The following PCDH15 variants were observed in gnomAD, a reference collection of about 807,000 sequenced individuals.
PCDH15 encodes protocadherin related 15.
A neutral mutation model predicts 178.5 loss-of-function variants in PCDH15; 129 were observed. That is an observed-to-expected ratio of 0.72 (90% confidence interval 0.63 to 0.84). The LOEUF (loss-of-function observed/expected upper bound fraction) is 0.84. Among genes scored for constraint, PCDH15 ranks in the 40% least tolerant of loss-of-function variants. The probability of loss-of-function intolerance (pLI) is 0.00; values close to 1 mark genes in which losing one functional copy is unlikely to be tolerated. For synonymous variants in PCDH15, 800 were observed against 732.0 expected (o/e 1.09, Z -1.50); for missense variants, 2,230 against 2,099.9 (o/e 1.06, Z -1.21).
intron 32 of PCDH15, among the ~76,000 whole-genome samples, chr10:53,826,385 C>T (rs981703977): frequency 6.6e-6 from 1 of 151,790 alleles, no homozygotes; most frequent in African/African-American, 2.4e-5. Flanking sequence ...TTGTTTAAAA[C>T]CAGCTTTTCC....
At chr10:55,623,207 C>T (rs1293560740) in intron 2 of PCDH15, among the ~76,000 whole-genome samples, 3 of 152,248 alleles carry the variant, frequency 2.0e-5, no homozygotes, top group Admixed American at 1.3e-4. Context: ...TTTGAATAGG[C>T]TCTGGCACTC....
chr10:55,230,274 G>C (rs1025614662), intron 1 of PCDH15, among the ~76,000 whole-genome samples: 11 of 151,806 alleles, frequency 7.2e-5, no homozygotes, highest in African/African-American at 2.7e-4. Context: ...TTTGATTATT[G>C]CATAATTTAT....
intron 14 of PCDH15, among the ~76,000 whole-genome samples, chr10:54,147,295 G>T (rs946172138): frequency 4.6e-5 from 7 of 151,638 alleles, no homozygotes; most frequent in African/African-American, 1.7e-4. Context: ...TAGTATCCAA[G>T]ACATTATTTA....
intron 8 of PCDH15, among the ~76,000 whole-genome samples, chr10:54,294,545 A>G (rs977646650): frequency 2.6e-5 from 4 of 152,222 alleles, no homozygotes; most frequent in Non-Finnish European, 5.9e-5. Context: ...TCAAGATGCC[A>G]AAAGATAAAA....
intron 18 of PCDH15, among the ~76,000 whole-genome samples, chr10:54,026,776 G>A (rs1295175383): frequency 6.6e-6 from 1 of 152,152 alleles, no homozygotes; most frequent in African/African-American, 2.4e-5. Flanking sequence ...ATTAGGTATT[G>A]ATGGGACTTA....
At chr10:53,972,475 A>G (rs931876867) in intron 21 of PCDH15, among the ~76,000 whole-genome samples, 1 of 152,210 alleles carries the variant, frequency 6.6e-6, no homozygotes, top group Non-Finnish European at 1.5e-5. Flanking sequence ...GCACAGCAAA[A>G]GAAACTACCA....
At chr10:53,909,682 C>T (rs2082932189) in intron 25 of PCDH15, among the ~76,000 whole-genome samples, 1 of 152,132 alleles carries the variant, frequency 6.6e-6, no homozygotes, top group Non-Finnish European at 1.5e-5. Flanking sequence ...CCACAGAGGG[C>T]AAGCCAAAGC....
intron 1 of PCDH15, among the ~76,000 whole-genome samples, chr10:55,167,957 CATAG>C (rs1316430338): frequency 6.6e-6 from 1 of 151,896 alleles, no homozygotes; most frequent in Non-Finnish European, 1.5e-5. Context: ...ACTTTCTTTT[CATAG>C]ATATATAAAG....
At chr10:54,855,312 A>G (rs2131773440) in intron 3 of PCDH15, among the ~76,000 whole-genome samples, 1 of 151,954 alleles carries the variant, frequency 6.6e-6, no homozygotes, top group South Asian at 2.1e-4. Flanking sequence ...GGAGGATGGG[A>G]CTCCTGCTTG....
intron 1 of PCDH15, among the ~76,000 whole-genome samples, chr10:55,209,539 G>A (rs921794406): frequency 2.6e-5 from 4 of 152,076 alleles, no homozygotes; most frequent in South Asian, 2.1e-4. Context: ...AGATAATGGA[G>A]GGGTGGGATA....
At chr10:55,185,567 A>C (rs1251777685) in intron 1 of PCDH15, among the ~76,000 whole-genome samples, 1 of 151,762 alleles carries the variant, frequency 6.6e-6, no homozygotes, top group African/African-American at 2.4e-5. Context: ...GGAGTTGAGC[A>C]AGTTAAAAAT....
At chr10:54,581,192 C>A (rs546654834) in intron 2 of PCDH15, among the ~76,000 whole-genome samples, 7 of 152,122 alleles carry the variant, frequency 4.6e-5, no homozygotes, top group Middle Eastern at 3.4e-3. Context: ...ACTAAGGAAA[C>A]CTCAAAGACT....
intron 8 of PCDH15, among the ~76,000 whole-genome samples, chr10:54,309,866 AG>A (rs1646899384): frequency 6.6e-6 from 1 of 152,096 alleles, no homozygotes. Flanking sequence ...ATAATGACAA[AG>A]AAGTTTAAAG....
intron 1 of PCDH15, among the ~76,000 whole-genome samples, chr10:54,770,077 A>C (rs1252006823): frequency 6.6e-6 from 1 of 152,142 alleles, no homozygotes; most frequent in Non-Finnish European, 1.5e-5. Flanking sequence ...GCTACCAGCA[A>C]CAACATCAAA....
intron 23 of PCDH15, among the ~76,000 whole-genome samples, chr10:53,956,370 AT>A (rs1278332662): frequency 1.3e-5 from 2 of 152,162 alleles, no homozygotes; most frequent in Non-Finnish European, 2.9e-5. Flanking sequence ...TTCAAAAAGA[AT>A]GAAGAGATAA....
At chr10:55,551,205 A>G (rs1372553813) in intron 2 of PCDH15, among the ~76,000 whole-genome samples, 2 of 152,042 alleles carry the variant, frequency 1.3e-5, no homozygotes, top group Admixed American at 1.3e-4. Flanking sequence ...TTGTAAGGCT[A>G]TTATGAAAAT....
chr10:54,427,820 T>C (rs1956481549), intron 3 of PCDH15, among the ~76,000 whole-genome samples: 1 of 152,142 alleles, frequency 6.6e-6, no homozygotes, highest in Non-Finnish European at 1.5e-5. Flanking sequence ...GGAAAGTTAT[T>C]CAAATATTTC....
chr10:55,259,720 T>C (rs60584242), intron 1 of PCDH15, among the ~76,000 whole-genome samples: 203 of 151,948 alleles, frequency 1.3e-3, no homozygotes, highest in African/African-American at 4.7e-3. Context: ...AGCCTCAACA[T>C]GGAGAAACCC....
chr10:55,077,398 T>TTCCTTCCTTC (rs1841923561), intron 2 of PCDH15, among the ~76,000 whole-genome samples: 3 of 137,530 alleles, frequency 2.2e-5, no homozygotes, highest in African/African-American at 8.8e-5. Flanking sequence ...TGGTTTTCTC[T>TTCCTTCCTTC]CTTCCTTCCT....
Sources: gnomAD v4.1 joint callset for allele counts (sites outside exome capture counted in the v4.1 genomes callset) on GRCh38, gnomAD v4.1.1 for gene constraint, MANE v1.5 for transcripts, NCBI Gene and HGNC (gene_info 2026-07-23, HGNC 2026-07-21) for gene names.